JAK1: variants seen among roughly 807,000 people sequenced by gnomAD.
The protein encoded by JAK1 is tyrosine-protein kinase JAK1.
In JAK1, 16 loss-of-function variants were observed where a neutral mutation model predicts 136.6. The ratio of observed to expected loss-of-function variants is 0.12; its 90% CI spans 0.08 to 0.18. The LOEUF (loss-of-function observed/expected upper bound fraction) is 0.18, where lower values mean the gene tolerates loss of function less well. Ranked by LOEUF, JAK1 falls within the 10% of genes least tolerant of loss-of-function variation. The pLI is 1.00. For synonymous variants in JAK1, 492 were observed against 519.5 expected (o/e 0.95, Z 0.72); for missense variants, 859 against 1,450.1 (o/e 0.59, Z 6.62).
intron 11 of JAK1, among the ~76,000 whole-genome samples, chr1:64,853,981 G>A (rs1341752822): frequency 6.6e-6 from 1 of 152,186 alleles, no homozygotes; most frequent in African/African-American, 2.4e-5. Context: ...GGGCTGTTGG[G>A]CTTTAAGGTT....
chr1:64,870,041 C>T (rs970495881), intron 5 of JAK1, among the ~76,000 whole-genome samples: 2 of 152,134 alleles, frequency 1.3e-5, no homozygotes, highest in African/African-American at 4.8e-5. Context: ...TGGAGGTGCA[C>T]AGCATTCTAA....
At position 64,834,505 on chromosome 1, in the gene JAK1, A is replaced by T; in HGVS notation, c.*57T>A. ...GAAATTTTTAAAAAATGACTTGGGC[A>T]TTTGTTGCAGGAGAAGGACTTGATA... On this transcript the variant is annotated 3_prime_UTR_variant, in exon 25 of 25. Coordinates refer to ENST00000342505, the MANE Select transcript of JAK1 (RefSeq NM_002227.4). 1.0e-5 allele frequency: 12 copies of T among 1,185,406 alleles called. No homozygotes were observed. The highest frequency in any genetic ancestry group is 1.5e-5 in the Non-Finnish European group (12 of 804,232). The allele number at this position is 1,185,406 out of a possible 1,614,324, so 73.4% of individuals were successfully genotyped here.
intron 1 of JAK1, among the ~76,000 whole-genome samples, chr1:64,957,007 GT>G (rs1286109196): frequency 6.6e-5 from 10 of 152,184 alleles, no homozygotes; most frequent in African/African-American, 2.2e-4. Flanking sequence ...AGCATGAACT[GT>G]TTTAGATAAC....
intron 1 of JAK1, among the ~76,000 whole-genome samples, chr1:65,065,494 A>G (rs1647997748): frequency 6.6e-6 from 1 of 152,044 alleles, no homozygotes; most frequent in Admixed American, 6.6e-5. Context: ...CTATCACAGA[A>G]CAAGGGGCAA....
At position 64,834,529 on chromosome 1, in the gene JAK1, T is replaced by C. The variant is rs1654344748; in HGVS notation, c.*33A>G. On this transcript the variant is annotated 3_prime_UTR_variant, in exon 25 of 25. Transcript: ENST00000342505. ...CATTTGTTGCAGGAGAAGGACTTGA[T>C]AATCTGTGGAATTTAAATGTTATTC... is the stretch of plus-strand genomic sequence containing the variant. 1 of 1,378,360 alleles carries C rather than the reference T, an allele frequency of 7.3e-7. No individual in the cohort carries two copies. The highest frequency in any genetic ancestry group is 1.0e-6 in the Non-Finnish European group (1 of 970,248). 85.4% of individuals were successfully genotyped at this position (1,378,360 alleles called of 1,614,324 possible). A position where few individuals can be genotyped will look rare whatever the true frequency, so the allele number is the denominator to read the frequency against.
chr1:64,844,719 G>C lies in JAK1; in HGVS notation c.2251+35C>G, dbSNP rs374928874. 6.2e-7 allele frequency: 1 copy of C among 1,613,196 alleles called. No individual in the cohort carries two copies. Among genetic ancestry groups the C allele is most frequent in the Non-Finnish European group, 8.5e-7 (1 of 1,179,624 alleles). The stretch of plus-strand genomic sequence containing the variant: ...CTCTCTGCTGACTTGCCCCTGACTC[G>C]GGGTGGGGCCAGAGGGAAGAGAGGG... On this transcript the variant is annotated intron_variant, in intron 16 of 24. Transcript: ENST00000342505. The surrounding 1 kb of genome is among the most constrained non-coding windows in gnomAD (Gnocchi z 5.7).
At chr1:65,057,709 G>A (rs1647610663) in intron 1 of JAK1, 2 of 154,796 alleles carry the variant, frequency 1.3e-5, no homozygotes, top group East Asian at 3.9e-4. Flanking sequence ...ACGTGATGCT[G>A]GCTTGGTGTT....
At chr1:65,051,742 ATTTC>A (rs1478715497) in intron 1 of JAK1, among the ~76,000 whole-genome samples, 1 of 152,176 alleles carries the variant, frequency 6.6e-6, no homozygotes, top group Non-Finnish European at 1.5e-5. Context: ...ATGGTTCTCT[ATTTC>A]TTCTCACCTT....
intron 8 of JAK1, among the ~76,000 whole-genome samples, chr1:64,862,493 G>A (rs1656412657): frequency 6.6e-6 from 1 of 152,220 alleles, no homozygotes; most frequent in South Asian, 2.1e-4. Context: ...AACTAATGGA[G>A]GAATCAAGTA....
Position 64,976,274 on chromosome 1 carries a change from T to C in JAK1, c.-78+68206A>G, listed in dbSNP as rs377219839. ...CATTTCCACACTCTGTGAAGTCAGC[T>C]CCTCTGGGTGGTGTTATGTATGACC... On this transcript the variant is annotated intron_variant, in intron 2 of 25. Transcript: ENST00000671954. 2.0e-4 allele frequency among the ~76,000 whole-genome samples: 30 copies of C among 152,310 alleles called. 5 individuals carry two copies. Among genetic ancestry groups the C allele is most frequent in the Admixed American group, 3.3e-4 (5 of 15,304 alleles).
At position 64,902,756 on chromosome 1, in the gene JAK1, C is replaced by T. The variant is rs75240126; in HGVS notation, c.-77-16415G>A. 1.8e-4 allele frequency among the ~76,000 whole-genome samples: 27 copies of T among 152,188 alleles called. No homozygotes were observed. In the East Asian group the frequency reaches 5.0e-3, roughly 28 times the overall value. ...AGTGAATGGGCACCAGACCCCAATACGCAGTGGTGGAAGAGACAGCTGATT... is the reference window on the plus strand; with the variant it reads ...AGTGAATGGGCACCAGACCCCAATATGCAGTGGTGGAAGAGACAGCTGATT... On this transcript the variant is annotated intron_variant, in intron 1 of 24. Coordinates refer to ENST00000342505, the MANE Select transcript of JAK1 (RefSeq NM_002227.4).
At chr1:64,982,018 G>A (rs1444123059) in intron 2 of JAK1, among the ~76,000 whole-genome samples, 2 of 152,014 alleles carry the variant, frequency 1.3e-5, no homozygotes, top group Non-Finnish European at 2.9e-5. Context: ...TCACCTTTCC[G>A]AGCTTCCAGT....
intron 1 of JAK1, chr1:65,058,303 T>C: frequency 2.2e-6 from 1 of 463,394 alleles, no homozygotes; most frequent in Non-Finnish European, 4.4e-6. Context: ...ACTCTCCCTA[T>C]GCCCCGGGAG....
chr1:64,913,716 G>GAA, intron 1 of JAK1, among the ~76,000 whole-genome samples: 3 of 129,638 alleles, frequency 2.3e-5, no homozygotes, highest in African/African-American at 8.7e-5. Flanking sequence ...AGGGAGGGAG[G>GAA]GAGGGAGGGA....
intron 1 of JAK1, among the ~76,000 whole-genome samples, chr1:64,901,609 GAC>G (rs1378091335): frequency 1.3e-5 from 2 of 152,316 alleles, no homozygotes; most frequent in East Asian, 1.9e-4. Context: ...CCAAAACTTA[GAC>G]ACAGTTTTAA....
Position 64,894,598 on chromosome 1 carries a change from A to AAAAAAAC in JAK1, c.-77-8264_-77-8258dup, listed in dbSNP as rs542981583. ...ATATGGTGAAACCCCGTCTCTACTA[A>AAAAAAAC]AAAAAACAAAAAACAAAAAACAAAA... On this transcript the variant is annotated intron_variant, in intron 1 of 24. Coordinates refer to ENST00000342505, the MANE Select transcript of JAK1 (RefSeq NM_002227.4). Among the ~76,000 whole-genome samples, 270 of 152,128 alleles carry AAAAAAAC rather than the reference A, an allele frequency of 1.8e-3. 1 individual carries two copies. Among genetic ancestry groups the AAAAAAAC allele is most frequent in the Non-Finnish European group, 3.1e-3 (212 of 67,990 alleles).
chr1:64,912,108 G>A (rs1466454206), intron 1 of JAK1, among the ~76,000 whole-genome samples: 1 of 152,128 alleles, frequency 6.6e-6, no homozygotes, highest in Non-Finnish European at 1.5e-5. Flanking sequence ...CTGTGTATCA[G>A]AATTACCTGG....
chr1:64,863,039 A>G (rs950474516), intron 8 of JAK1, among the ~76,000 whole-genome samples: 4 of 151,244 alleles, frequency 2.6e-5, no homozygotes, highest in African/African-American at 7.3e-5. Flanking sequence ...TCCAGGATGC[A>G]GCATATAACA....
chr1:64,890,249 T>C, intron 1 of JAK1, among the ~76,000 whole-genome samples: 1 of 81,214 alleles, frequency 1.2e-5, no homozygotes, highest in African/African-American at 7.6e-5. Flanking sequence ...AAGATCAGGA[T>C]TTTTTTTTTT....
Sources: allele counts gnomAD v4.1 joint callset (sites outside exome capture counted in the v4.1 genomes callset), GRCh38; gene constraint gnomAD v4.1.1; non-coding constraint Gnocchi (gnomAD v3.1); transcripts MANE v1.5; gene names NCBI Gene and HGNC (gene_info 2026-07-23, HGNC 2026-07-21).